CNTN5: variants seen among roughly 807,000 people sequenced by gnomAD.
CNTN5 encodes contactin 5.
CNTN5 carries 77 observed loss-of-function variants against 129.1 expected under a neutral mutation model. The observed-to-expected ratio is 0.60, with a 90% confidence interval of 0.50 to 0.72. The LOEUF (loss-of-function observed/expected upper bound fraction) is 0.72, where lower values mean the gene tolerates loss of function less well. CNTN5 is among the 30% of genes least tolerant of loss of function. The pLI is 0.00. For synonymous variants in CNTN5, 509 were observed against 465.6 expected (o/e 1.09, Z -1.20); for missense variants, 1,478 against 1,328.8 (o/e 1.11, Z -1.75).
At chr11:100,031,006 T>A (rs1941680784) in intron 9 of CNTN5, among the ~76,000 whole-genome samples, 1 of 152,186 alleles carries the variant, frequency 6.6e-6, no homozygotes, top group South Asian at 2.1e-4. Context: ...GGGTCTAGAA[T>A]GTCCATCTTA....
At chr11:100,237,041 T>C (rs1250653669) in intron 16 of CNTN5, among the ~76,000 whole-genome samples, 3 of 151,492 alleles carry the variant, frequency 2.0e-5, no homozygotes, top group Non-Finnish European at 4.4e-5. Context: ...TACAAAAAAT[T>C]AGCCAGGTGT....
Position 100,074,301 on chromosome 11 carries a change from A to G in CNTN5, c.1580+7A>G, listed in dbSNP as rs1338093014. ...CAGTTAGAGAAAACAAAAGGTTAGA[A>G]TCTATTTTATAATTCAAGTTCAACA... On this transcript the variant is annotated splice_region_variant and intron_variant, in intron 13 of 24. Coordinates refer to ENST00000524871, the MANE Select transcript of CNTN5 (RefSeq NM_014361.4). 3.2e-6 allele frequency: 5 copies of G among 1,576,208 alleles called. No homozygotes were observed. Among genetic ancestry groups the G allele is most frequent in the Non-Finnish European group, 4.3e-6 (5 of 1,159,982 alleles).
intron 1 of CNTN5, among the ~76,000 whole-genome samples, chr11:99,136,897 G>A (rs1859256977): frequency 2.0e-5 from 3 of 151,968 alleles, no homozygotes; most frequent in Admixed American, 2.0e-4. Flanking sequence ...TATCATGACT[G>A]AATTAGACTC....
chr11:99,361,086 G>C (rs555286807), intron 2 of CNTN5, among the ~76,000 whole-genome samples: 24 of 152,064 alleles, frequency 1.6e-4, no homozygotes, highest in Non-Finnish European at 2.9e-4. Flanking sequence ...CTTTCCTCCA[G>C]TTTCCAATAA....
At chr11:99,115,017 C>G (rs1369272058) in intron 1 of CNTN5, among the ~76,000 whole-genome samples, 1 of 152,162 alleles carries the variant, frequency 6.6e-6, no homozygotes, top group African/African-American at 2.4e-5. Context: ...CCCCTTCTTC[C>G]ATGTGAGGTT....
chr11:99,201,423 T>C (rs1462746306), intron 1 of CNTN5, among the ~76,000 whole-genome samples: 2 of 141,778 alleles, frequency 1.4e-5, no homozygotes, highest in Non-Finnish European at 3.1e-5. Flanking sequence ...TTCTTCCTTT[T>C]TTCCTTCCTT....
chr11:99,646,233 A>G (rs925541839), intron 3 of CNTN5, among the ~76,000 whole-genome samples: 8 of 152,218 alleles, frequency 5.3e-5, no homozygotes, highest in African/African-American at 9.6e-5. Flanking sequence ...AAAGCCTGTT[A>G]CAAGTGAAGA....
intron 1 of CNTN5, among the ~76,000 whole-genome samples, chr11:99,201,022 CTTTT>C: frequency 1.2e-5 from 1 of 83,180 alleles, no homozygotes; most frequent in East Asian, 3.8e-4. Flanking sequence ...TCCTTCCTTC[CTTTT>C]TTTTTTTTTT....
At chr11:99,329,441 T>G (rs145687697) in intron 2 of CNTN5, among the ~76,000 whole-genome samples, 1 of 152,260 alleles carries the variant, frequency 6.6e-6, no homozygotes, top group Non-Finnish European at 1.5e-5. Context: ...AAGTTTTGAG[T>G]ATAAGAAAAT....
intron 2 of CNTN5, among the ~76,000 whole-genome samples, chr11:99,533,704 G>A (rs1398519377): frequency 1.3e-5 from 2 of 152,200 alleles, no homozygotes; most frequent in African/African-American, 4.8e-5. Flanking sequence ...AATGCCTAAA[G>A]GTTGGAACTC....
At chr11:99,455,584 C>T (rs112364196) in intron 2 of CNTN5, among the ~76,000 whole-genome samples, 1,876 of 152,144 alleles carry the variant, frequency 0.012, 43 homozygotes, top group African/African-American at 0.042. Context: ...AATAGTGTCA[C>T]GGAGTAAAAA....
chr11:99,922,696 G>A (rs892410149), intron 7 of CNTN5, among the ~76,000 whole-genome samples: 1 of 152,098 alleles, frequency 6.6e-6, no homozygotes, highest in Non-Finnish European at 1.5e-5. Context: ...AAAGTGTCAG[G>A]AGTCAAATTT....
Position 100,299,202 on chromosome 11 carries a change from A to C in CNTN5, c.2426A>C (p.Tyr809Ser). The change falls in exon 20 of 25, where the codon TAT becomes TCT. Residue 809 changes from tyrosine (Y) to serine (S), a missense_variant. Physicochemically the swap from Tyr to Ser is moderately radical, Grantham distance 144 (BLOSUM62 -2). Transcript: ENST00000524871. ...TTTCAGAATGGGGAAGGCTTCGGCT[A>C]TATTGTGGCTTTCAGACCCAATGGA... ...EEFQNGEGFG[Y>S]IVAFRPNGTR... 1 of 1,609,566 alleles carries C rather than the reference A, an allele frequency of 6.2e-7. No individual in the cohort carries two copies. Among genetic ancestry groups the C allele is most frequent in the Non-Finnish European group, 8.5e-7 (1 of 1,177,084 alleles).
At chr11:100,265,396 A>T (rs773900316) in intron 17 of CNTN5, among the ~76,000 whole-genome samples, 6 of 152,128 alleles carry the variant, frequency 3.9e-5, no homozygotes, top group Non-Finnish European at 7.4e-5. Context: ...TACCATGCTC[A>T]TTCTCACAAT....
chr11:100,284,518 G>T (rs1369349126), intron 18 of CNTN5, among the ~76,000 whole-genome samples: 1 of 151,776 alleles, frequency 6.6e-6, no homozygotes, highest in African/African-American at 2.4e-5. Context: ...ATGACACTCA[G>T]GACAAAAAAA....
At chr11:99,150,031 A>T (rs1210348250) in intron 1 of CNTN5, among the ~76,000 whole-genome samples, 1 of 151,452 alleles carries the variant, frequency 6.6e-6, no homozygotes, top group Non-Finnish European at 1.5e-5. Flanking sequence ...ATGAACAAAT[A>T]AAAAAAAGAT....
chr11:100,069,052 C>A (rs561162949), intron 10 of CNTN5, among the ~76,000 whole-genome samples: 1 of 152,294 alleles, frequency 6.6e-6, no homozygotes, highest in Admixed American at 6.5e-5. Context: ...AATGTGAGTT[C>A]TTTCTTGCTC....
chr11:100,242,327 T>C (rs779585252), intron 16 of CNTN5, among the ~76,000 whole-genome samples: 4 of 151,840 alleles, frequency 2.6e-5, no homozygotes, highest in South Asian at 4.1e-4. Context: ...TTTTCACCAC[T>C]TTTTTTTCTT....
chr11:100,080,460 G>A (rs1944317117), intron 13 of CNTN5, among the ~76,000 whole-genome samples: 1 of 152,032 alleles, frequency 6.6e-6, no homozygotes, highest in Non-Finnish European at 1.5e-5. Flanking sequence ...ACTTCTAGTG[G>A]GAATTCATGT....
Sources: gnomAD v4.1 joint callset for allele counts (sites outside exome capture counted in the v4.1 genomes callset) on GRCh38, gnomAD v4.1.1 for gene constraint, MANE v1.5 for transcripts, NCBI Gene and HGNC (gene_info 2026-07-23, HGNC 2026-07-21) for gene names.